Variants in PDE4D observed in about 807,000 individuals in gnomAD.
The protein encoded by PDE4D is 3',5'-cyclic-AMP phosphodiesterase 4D.
Under a neutral mutation model 87.4 loss-of-function variants are expected in PDE4D, and 24 were observed. The ratio of observed to expected loss-of-function variants is 0.27; its 90% CI spans 0.20 to 0.39. The LOEUF (loss-of-function observed/expected upper bound fraction) is 0.39, where lower values mean the gene tolerates loss of function less well. Ranked by LOEUF, PDE4D falls within the 10% of genes least tolerant of loss-of-function variation. The pLI is 1.00. For synonymous variants in PDE4D, 384 were observed against 383.2 expected (o/e 1.00, Z -0.02); for missense variants, 714 against 1,041.0 (o/e 0.69, Z 4.32).
At chr5:60,119,502 G>A (rs1562118289) in intron 2 of PDE4D, among the ~76,000 whole-genome samples, 1 of 152,214 alleles carries the variant, frequency 6.6e-6, no homozygotes, top group Non-Finnish European at 1.5e-5. Flanking sequence ...ATTGCATGAT[G>A]TTTGGAAAAT....
chr5:60,294,197 T>C (rs4580738), intron 1 of PDE4D, among the ~76,000 whole-genome samples: 5,448 of 152,292 alleles, frequency 0.036, 133 homozygotes, highest in East Asian at 0.11. Context: ...TGGAGCACTC[T>C]TTACTGTGTT....
At chr5:59,505,347 T>C (rs1809060041) in intron 1 of PDE4D, among the ~76,000 whole-genome samples, 1 of 152,180 alleles carries the variant, frequency 6.6e-6, no homozygotes, top group African/African-American at 2.4e-5. Context: ...CAGAGGGTGC[T>C]GAGAAGAGCA....
chr5:59,176,304 G>A (rs1783877029), intron 5 of PDE4D, among the ~76,000 whole-genome samples: 1 of 152,142 alleles, frequency 6.6e-6, no homozygotes, highest in African/African-American at 2.4e-5. Context: ...TGTAATCCCA[G>A]CATTTTGGGA....
intron 5 of PDE4D, among the ~76,000 whole-genome samples, chr5:59,146,844 T>G (rs918263131): frequency 1.3e-5 from 2 of 152,192 alleles, no homozygotes; most frequent in East Asian, 3.9e-4. Flanking sequence ...TACTCCCCAC[T>G]GAACACCTCT....
intron 1 of PDE4D, among the ~76,000 whole-genome samples, chr5:60,331,045 T>C (rs1938477739): frequency 6.6e-6 from 1 of 152,230 alleles, no homozygotes; most frequent in African/African-American, 2.4e-5. Flanking sequence ...ATGGTCTGTT[T>C]TGTTAGTTAC....
At chr5:59,452,147 A>G (rs1582671021) in intron 1 of PDE4D, among the ~76,000 whole-genome samples, 2 of 146,706 alleles carry the variant, frequency 1.4e-5, no homozygotes, top group African/African-American at 5.5e-5. Context: ...TGGCCCAGGG[A>G]AGACAGAAGA....
chr5:59,129,504 C>T (rs1007339567), intron 5 of PDE4D, among the ~76,000 whole-genome samples: 1 of 152,198 alleles, frequency 6.6e-6, no homozygotes, highest in Admixed American at 6.5e-5. Context: ...CATCATTCTG[C>T]TTCATCTACT....
intron 1 of PDE4D, among the ~76,000 whole-genome samples, chr5:59,564,226 T>C (rs1820522901): frequency 6.6e-6 from 1 of 152,200 alleles, no homozygotes; most frequent in Admixed American, 6.5e-5. Context: ...TGGTACAAGG[T>C]ACACATTTAA....
chr5:59,899,289 T>G (rs562925921), intron 3 of PDE4D, among the ~76,000 whole-genome samples: 1 of 152,232 alleles, frequency 6.6e-6, no homozygotes, highest in African/African-American at 2.4e-5. Flanking sequence ...GTTCACCTGA[T>G]TGTCTCAACA....
At chr5:60,351,412 T>C (rs1374934605) in intron 1 of PDE4D, among the ~76,000 whole-genome samples, 1 of 152,174 alleles carries the variant, frequency 6.6e-6, no homozygotes, top group Non-Finnish European at 1.5e-5. Flanking sequence ...GCCAAAGAGA[T>C]GTAAGAGGAA....
At chr5:59,315,153 C>T (rs1773460885) in intron 1 of PDE4D, among the ~76,000 whole-genome samples, 1 of 152,152 alleles carries the variant, frequency 6.6e-6, no homozygotes, top group Admixed American at 6.6e-5. Flanking sequence ...CCATTCCCCT[C>T]ACCCTTCCAC....
At chr5:60,472,298 G>A (rs556706014) in intron 1 of PDE4D, among the ~76,000 whole-genome samples, 3 of 152,176 alleles carry the variant, frequency 2.0e-5, no homozygotes, top group Admixed American at 2.0e-4. Context: ...AGCCAACTTA[G>A]GTCATTTTTC....
chr5:60,350,050 T>A (rs1453448057), intron 1 of PDE4D, among the ~76,000 whole-genome samples: 1 of 152,142 alleles, frequency 6.6e-6, no homozygotes, highest in Non-Finnish European at 1.5e-5. Flanking sequence ...ATGGAGATTA[T>A]AGGGAAGGAT....
intron 3 of PDE4D, among the ~76,000 whole-genome samples, chr5:59,985,522 C>A (rs1554128425): frequency 6.6e-6 from 1 of 152,122 alleles, no homozygotes; most frequent in Non-Finnish European, 1.5e-5. Flanking sequence ...CCTCAATATT[C>A]AATTCGCAAA....
chr5:59,516,804 T>G (rs914810183), intron 1 of PDE4D, among the ~76,000 whole-genome samples: 3 of 152,156 alleles, frequency 2.0e-5, no homozygotes, highest in Non-Finnish European at 4.4e-5. Context: ...AAAAAATTAG[T>G]ATCATGTTAC....
chr5:59,718,564 T>C lies in PDE4D; in HGVS notation c.455+174604A>G, dbSNP rs180831488. Among the ~76,000 whole-genome samples, 352 of 152,300 alleles carry C rather than the reference T, an allele frequency of 2.3e-3. 2 individuals carry two copies. The highest frequency in any genetic ancestry group is 0.013 in the South Asian group (62 of 4,828). The stretch of plus-strand genomic sequence containing the variant: ...TTCAAACGCACATAAAGTAATTTTA[T>C]CAGCACAATTTTCTTTCTTCAGGGC... On this transcript the variant is annotated intron_variant, in intron 1 of 14. Transcript: ENST00000340635.
At chr5:59,949,158 G>A (rs1758011568) in intron 3 of PDE4D, among the ~76,000 whole-genome samples, 1 of 151,858 alleles carries the variant, frequency 6.6e-6, no homozygotes. Flanking sequence ...TAGGCTGGGC[G>A]CGGTGGCTCA....
chr5:59,342,969 C>CTTT (rs61034507), intron 1 of PDE4D, among the ~76,000 whole-genome samples: 2 of 145,960 alleles, frequency 1.4e-5, no homozygotes, highest in African/African-American at 5.0e-5. Context: ...TAGAAATTTT[C>CTTT]TTTTTTTTTT....
intron 6 of PDE4D, among the ~76,000 whole-genome samples, chr5:59,029,374 G>A (rs1453066095): frequency 4.0e-5 from 5 of 125,348 alleles, no homozygotes; most frequent in Admixed American, 2.1e-4. Flanking sequence ...CCGAGATCGC[G>A]CCACTGCACT....
Sources: gnomAD v4.1 joint callset for allele counts (sites outside exome capture counted in the v4.1 genomes callset) on GRCh38, gnomAD v4.1.1 for gene constraint, MANE v1.5 for transcripts, NCBI Gene and HGNC (gene_info 2026-07-23, HGNC 2026-07-21) for gene names.